The following SLC25A26 variants were observed in gnomAD, a reference collection of about 807,000 sequenced individuals.
SLC25A26 encodes the protein solute carrier family 25 member 26.
In SLC25A26, 36 loss-of-function variants were observed where a neutral mutation model predicts 37.8. That is an observed-to-expected ratio of 0.95 (90% CI 0.73 to 1.26). The LOEUF is 1.26. Among genes scored for constraint, SLC25A26 ranks in the 50% most tolerant of loss-of-function variants. The pLI is 0.00. For missense variants in SLC25A26, 390 were observed against 331.1 expected, an observed-to-expected ratio of 1.18 and a Z score of -1.38; for synonymous variants, 129 against 122.5, an observed-to-expected ratio of 1.05 and a Z score of -0.35.
At chr3:66,220,391 T>C (rs2071435744), upstream of SLC25A26, among the ~76,000 whole-genome samples, 1 of 152,166 alleles carries the variant, frequency 6.6e-6, no homozygotes, top group African/African-American at 2.4e-5. Flanking sequence ...ATTAAGTACT[T>C]AATAACGTGT....
chr3:66,348,539 A>C (rs960215347), intron 6 of SLC25A26, among the ~76,000 whole-genome samples: 1 of 152,236 alleles, frequency 6.6e-6, no homozygotes, highest in African/African-American at 2.4e-5. Flanking sequence ...AGTTACTCTC[A>C]TAATTTTATA....
At chr3:66,136,735 G>C (rs2069951970) in intron 1 of SLC25A26, among the ~76,000 whole-genome samples, 1 of 152,164 alleles carries the variant, frequency 6.6e-6, no homozygotes. Flanking sequence ...AAGTAGTACT[G>C]TGTTTTCAAA....
chr3:66,256,837 G>A (rs2073323172), intron 3 of SLC25A26, among the ~76,000 whole-genome samples: 1 of 152,202 alleles, frequency 6.6e-6, no homozygotes, highest in Non-Finnish European at 1.5e-5. Context: ...AGGCTGCAGT[G>A]AGCTTTGACC....
chr3:66,309,370 A>G (rs1462465392), intron 5 of SLC25A26, among the ~76,000 whole-genome samples: 1 of 152,030 alleles, frequency 6.6e-6, no homozygotes, highest in Non-Finnish European at 1.5e-5. Flanking sequence ...CCACTTTATC[A>G]TTTTTTATTG....
At chr3:66,180,066 C>T (rs973286080) in intron 1 of SLC25A26, among the ~76,000 whole-genome samples, 1 of 152,174 alleles carries the variant, frequency 6.6e-6, no homozygotes, top group Non-Finnish European at 1.5e-5. Context: ...AGGCAACAAA[C>T]TCCTCTTGCC....
intron 1 of SLC25A26, among the ~76,000 whole-genome samples, chr3:66,192,382 G>A (rs2070962996): frequency 6.6e-6 from 1 of 150,872 alleles, no homozygotes; most frequent in Admixed American, 6.6e-5. Flanking sequence ...CCTCCAGCAT[G>A]CGAGGGTATG....
At chr3:66,344,664 G>A (rs1456456439) in intron 5 of SLC25A26, among the ~76,000 whole-genome samples, 1 of 152,214 alleles carries the variant, frequency 6.6e-6, no homozygotes, top group East Asian at 1.9e-4. Context: ...CGTGGGCATC[G>A]CCACCACCAG....
At chr3:66,372,146 A>G (rs1700380629) in intron 9 of SLC25A26, among the ~76,000 whole-genome samples, 1 of 152,228 alleles carries the variant, frequency 6.6e-6, no homozygotes, top group Non-Finnish European at 1.5e-5. Flanking sequence ...ATTGGGCTAC[A>G]TACATGGAGA....
chr3:66,290,086 A>T (rs959419043), intron 5 of SLC25A26, among the ~76,000 whole-genome samples: 3 of 152,122 alleles, frequency 2.0e-5, no homozygotes, highest in Non-Finnish European at 4.4e-5. Context: ...AGCAATTGTG[A>T]ATGGGAATTC....
chr3:66,247,494 A>G (rs2072904341), intron 3 of SLC25A26, among the ~76,000 whole-genome samples: 1 of 152,134 alleles, frequency 6.6e-6, no homozygotes, highest in Non-Finnish European at 1.5e-5. Context: ...ACAATTTTGT[A>G]AAGATGGGGT....
chr3:66,355,064 A>T (rs2076544816), intron 6 of SLC25A26, among the ~76,000 whole-genome samples: 1 of 152,136 alleles, frequency 6.6e-6, no homozygotes, highest in Non-Finnish European at 1.5e-5. Flanking sequence ...TAGAACCCCC[A>T]GTCAGAATAA....
chr3:66,242,943 G>C (rs375825996), intron 2 of SLC25A26, among the ~76,000 whole-genome samples: 1 of 152,098 alleles, frequency 6.6e-6, no homozygotes, highest in Non-Finnish European at 1.5e-5. Context: ...AGTACAACAC[G>C]GTAAGTGCTA....
At chr3:66,180,685 A>AT (rs1388912326) in intron 1 of SLC25A26, among the ~76,000 whole-genome samples, 5 of 151,496 alleles carry the variant, frequency 3.3e-5, no homozygotes, top group South Asian at 2.1e-4. Context: ...ACCTGATGAG[A>AT]TTTTTTTAAA....
intron 5 of SLC25A26, among the ~76,000 whole-genome samples, chr3:66,335,746 A>G (rs1010053819): frequency 2.0e-5 from 3 of 152,234 alleles, no homozygotes; most frequent in African/African-American, 7.2e-5. Flanking sequence ...CTTCTCTTCT[A>G]TTCCTCAGCC....
At chr3:66,234,560 T>C (rs572963979) in intron 1 of SLC25A26, among the ~76,000 whole-genome samples, 1 of 152,338 alleles carries the variant, frequency 6.6e-6, no homozygotes, top group East Asian at 1.9e-4. Context: ...TTACTATTTA[T>C]AGTAATGTAC....
intron 3 of SLC25A26, among the ~76,000 whole-genome samples, chr3:66,254,059 C>T (rs10510952): frequency 0.045 from 6,778 of 152,176 alleles, 362 homozygotes; most frequent in Admixed American, 0.15. Context: ...ATACCTACAA[C>T]GATTGAACTT....
At chr3:66,361,204 A>G (rs2076699960) in intron 6 of SLC25A26, among the ~76,000 whole-genome samples, 1 of 152,244 alleles carries the variant, frequency 6.6e-6, no homozygotes, top group Non-Finnish European at 1.5e-5. Context: ...ACAAAACCAA[A>G]TAACTTCAAT....
At chr3:66,161,179 A>G (rs1469326676) in intron 1 of SLC25A26, among the ~76,000 whole-genome samples, 1 of 151,990 alleles carries the variant, frequency 6.6e-6, no homozygotes, top group Non-Finnish European at 1.5e-5. Context: ...AAAAAAAAGA[A>G]CTTCTTTAAT....
chr3:66,311,747 C>T (rs1028254588), intron 5 of SLC25A26, among the ~76,000 whole-genome samples: 2 of 152,100 alleles, frequency 1.3e-5, no homozygotes, highest in South Asian at 2.1e-4. Flanking sequence ...CAGTCAGGCC[C>T]CTCTGCTGCA....
Sources: gnomAD v4.1 joint callset for allele counts (sites outside exome capture counted in the v4.1 genomes callset) on GRCh38, gnomAD v4.1.1 for gene constraint, MANE v1.5 for transcripts, NCBI Gene and HGNC (gene_info 2026-07-23, HGNC 2026-07-21) for gene names.